HDAC9: variants seen among roughly 807,000 people sequenced by gnomAD.
HDAC9 encodes the protein histone deacetylase 9.
HDAC9 carries 41 observed loss-of-function variants against 139.4 expected under a neutral mutation model. That is an observed-to-expected ratio of 0.29 (90% CI 0.23 to 0.38). The LOEUF is 0.38. Ranked by LOEUF, HDAC9 falls within the 10% of genes least tolerant of loss-of-function variation. The probability of loss-of-function intolerance (pLI) is 1.00; values close to 1 mark genes in which losing one functional copy is unlikely to be tolerated. For synonymous variants in HDAC9, 517 were observed against 476.2 expected (o/e 1.09, Z -1.12); for missense variants, 1,147 against 1,297.0 (o/e 0.88, Z 1.78).
At chr7:18,883,888 A>C (rs1799924913) in intron 22 of HDAC9, among the ~76,000 whole-genome samples, 1 of 152,172 alleles carries the variant, frequency 6.6e-6, no homozygotes, top group East Asian at 1.9e-4. Context: ...GCATTTCTGT[A>C]TACTAACAAT....
At chr7:18,108,109 A>G (rs1783349305) in intron 1 of HDAC9, among the ~76,000 whole-genome samples, 1 of 152,216 alleles carries the variant, frequency 6.6e-6, no homozygotes, top group Non-Finnish European at 1.5e-5. Context: ...CATGAGAAGC[A>G]AGGGAGTTGG....
chr7:18,358,551 C>A (rs1350677793), intron 1 of HDAC9, among the ~76,000 whole-genome samples: 2 of 152,110 alleles, frequency 1.3e-5, no homozygotes, highest in African/African-American at 4.8e-5. Flanking sequence ...TGTTTTCTCT[C>A]TGAGGGTTGG....
intron 23 of HDAC9, among the ~76,000 whole-genome samples, chr7:18,944,265 C>T (rs539468898): frequency 5.3e-5 from 8 of 152,268 alleles, no homozygotes; most frequent in South Asian, 2.1e-4. Context: ...ATTCTTCCAA[C>T]GTTCCACAAT....
intron 3 of HDAC9, among the ~76,000 whole-genome samples, chr7:18,588,355 A>G (rs1278653121): frequency 6.6e-6 from 1 of 152,164 alleles, no homozygotes; most frequent in Non-Finnish European, 1.5e-5. Flanking sequence ...GACCAGAAAT[A>G]TATCAGATTT....
chr7:18,100,147 T>C (rs538798192), intron 1 of HDAC9, among the ~76,000 whole-genome samples: 3 of 152,262 alleles, frequency 2.0e-5, no homozygotes, highest in South Asian at 4.1e-4. Flanking sequence ...TTCACTGTTT[T>C]ATCATTTGCA....
At chr7:18,789,998 T>G (rs897520684) in intron 16 of HDAC9, among the ~76,000 whole-genome samples, 2 of 152,216 alleles carry the variant, frequency 1.3e-5, no homozygotes, top group Non-Finnish European at 2.9e-5. Context: ...TTTTTACCAT[T>G]GAGAATATTG....
Position 18,644,742 on chromosome 7 carries a change from T to C in HDAC9, c.984T>C (p.Pro328=). The stretch of plus-strand genomic sequence containing the variant: ...ACCTGCTAAGTCTTTATACCTCTCC[T>C]TCTTTGCCCAACATTACCTTGGGGC... ...SMNLLSLYTS[P]SLPNITLGLP... is the part of the protein sequence containing the mutation. The change falls in exon 9 of 26, where the codon CCT becomes CCC. Residue 328 remains proline (P), a synonymous_variant. Coordinates refer to ENST00000686413, the MANE Select transcript of HDAC9 (RefSeq NM_178425.4). The C allele has an allele frequency of 2.5e-6, 4 of 1,612,434 alleles. No homozygotes were observed. Among genetic ancestry groups the C allele is most frequent in the Non-Finnish European group, 3.4e-6 (4 of 1,179,074 alleles).
At chr7:18,887,678 T>G (rs1022914184) in intron 22 of HDAC9, among the ~76,000 whole-genome samples, 1 of 152,252 alleles carries the variant, frequency 6.6e-6, no homozygotes, top group Admixed American at 6.5e-5. Flanking sequence ...AAAATACATT[T>G]GGAATCTTAT....
At chr7:18,663,380 T>C (rs1388866892) in intron 11 of HDAC9, among the ~76,000 whole-genome samples, 2 of 151,984 alleles carry the variant, frequency 1.3e-5, no homozygotes, top group Non-Finnish European at 2.9e-5. Context: ...TATTTGTGGC[T>C]TCCTCTTAGT....
intron 17 of HDAC9, among the ~76,000 whole-genome samples, chr7:18,797,900 C>G (rs1792946409): frequency 6.6e-6 from 1 of 151,712 alleles, no homozygotes; most frequent in Admixed American, 6.6e-5. Context: ...AAAATGGAAC[C>G]TTATCGAATA....
Position 18,996,334 on chromosome 7 carries a change from G to T in HDAC9, c.*272G>T, listed in dbSNP as rs772736399. ...GCTTCCAGCATGCTTTTAATATGCT[G>T]GGTGACCCACTCCTAGACACCAAGT... On this transcript the variant is annotated 3_prime_UTR_variant, in exon 26 of 26. Coordinates refer to ENST00000686413, the MANE Select transcript of HDAC9 (RefSeq NM_178425.4). 2.2e-5 allele frequency: 8 copies of T among 360,964 alleles called. No individual in the cohort carries two copies. The highest frequency in any genetic ancestry group is 8.8e-5 in the Admixed American group (2 of 22,680). The allele number at this position is 360,964 out of a possible 1,614,324, so 22.4% of individuals were successfully genotyped here. A position where few individuals can be genotyped will look rare whatever the true frequency, so the allele number is the denominator to read the frequency against.
intron 12 of HDAC9, among the ~76,000 whole-genome samples, chr7:18,702,286 A>G (rs1456113213): frequency 6.6e-6 from 1 of 152,164 alleles, no homozygotes; most frequent in African/African-American, 2.4e-5. Context: ...TCTAGTGCTT[A>G]TTATCATACT....
intron 10 of HDAC9, 66 bp downstream of exon 10, chr7:18,648,064 T>C (rs193302412): frequency 0.017 from 21,648 of 1,272,234 alleles, 237 homozygotes; most frequent in Non-Finnish European, 0.021. Context: ...TCCAGGATAA[T>C]GTCTCTTTTA....
At chr7:18,547,199 A>G (rs73309559) in intron 2 of HDAC9, among the ~76,000 whole-genome samples, 4,029 of 152,270 alleles carry the variant, frequency 0.026, 183 homozygotes, top group African/African-American at 0.092. Context: ...CTGACCAATC[A>G]GGGTGGTGGT....
chr7:18,535,782 G>C (rs1810706613), intron 2 of HDAC9, among the ~76,000 whole-genome samples: 1 of 130,554 alleles, frequency 7.7e-6, no homozygotes, highest in Non-Finnish European at 1.6e-5. Flanking sequence ...AAGTACAACA[G>C]CTTTTGAAAT....
intron 12 of HDAC9, among the ~76,000 whole-genome samples, chr7:18,712,559 T>C (rs1784422442): frequency 6.6e-6 from 1 of 152,352 alleles, no homozygotes; most frequent in East Asian, 1.9e-4. Context: ...AGAACTGTTT[T>C]AGCCTTTACT....
At chr7:18,647,148 CAT>C (rs1375302115) in intron 9 of HDAC9, among the ~76,000 whole-genome samples, 2 of 152,104 alleles carry the variant, frequency 1.3e-5, no homozygotes, top group Non-Finnish European at 2.9e-5. Context: ...TCTTAATCCC[CAT>C]GATATAGTCT....
intron 2 of HDAC9, among the ~76,000 whole-genome samples, chr7:18,572,834 TA>T (rs145905085): frequency 0.013 from 1,909 of 152,288 alleles, 43 homozygotes; most frequent in African/African-American, 0.044. Context: ...AGTTCTTAAA[TA>T]GTAAAGAACT....
chr7:18,170,042 T>C (rs892814315), intron 2 of HDAC9, among the ~76,000 whole-genome samples: 2 of 152,348 alleles, frequency 1.3e-5, no homozygotes, highest in African/African-American at 4.8e-5. Context: ...CACACTGTCT[T>C]CCACAATGGT....
Sources: allele counts gnomAD v4.1 joint callset (sites outside exome capture counted in the v4.1 genomes callset), GRCh38; gene constraint gnomAD v4.1.1; transcripts MANE v1.5; gene names NCBI Gene and HGNC (gene_info 2026-07-23, HGNC 2026-07-21).